EFHD2: variants seen among roughly 807,000 people sequenced by gnomAD.
The protein encoded by EFHD2 is EF-hand domain family member D2, also known as EF-hand domain-containing protein D2.
Under a neutral mutation model 20.3 loss-of-function variants are expected in EFHD2, and 12 were observed. The observed-to-expected ratio is 0.59, with a 90% CI of 0.38 to 0.96. EFHD2 has a LOEUF of 0.96. EFHD2 is among the 40% of genes least tolerant of loss of function. The pLI is 0.00. For missense variants in EFHD2, 250 were observed against 334.3 expected (o/e 0.75, Z 1.97); for synonymous variants, 131 against 143.9 (o/e 0.91, Z 0.64).
Position 15,410,026 on chromosome 1 carries a change from G to A in EFHD2, c.55G>A (p.Glu19Lys). ...KLSRRLQMEG[E>K]GGGETPEQPG... is the part of the protein sequence containing the mutation. Reference sequence around the variant, plus strand: ...GAGCCGGCGGCTGCAGATGGAGGGCGAGGGCGGCGGCGAGACCCCGGAGCA... The same window carrying A: ...GAGCCGGCGGCTGCAGATGGAGGGCAAGGGCGGCGGCGAGACCCCGGAGCA... The change falls in exon 1 of 4, where the codon GAG (glutamate) becomes AAG (lysine). Residue 19 changes from glutamate to lysine, a missense_variant. This residue lies in a region of EFHD2 where 143 missense variants were observed against 190.6 expected (regional missense o/e 0.75). Coordinates refer to ENST00000375980, the MANE Select transcript of EFHD2 (RefSeq NM_024329.6). 4.7e-6 allele frequency: 6 copies of A among 1,273,970 alleles called. No individual in the cohort carries two copies. The highest frequency in any genetic ancestry group is 5.9e-6 in the Non-Finnish European group (6 of 1,013,212). 78.9% of individuals were successfully genotyped at this position (1,273,970 alleles called of 1,614,324 possible). A position where few individuals can be genotyped will look rare whatever the true frequency, so the allele number is the denominator to read the frequency against.
At chr1:15,411,166 C>T (rs1411341500) in intron 1 of EFHD2, among the ~76,000 whole-genome samples, 1 of 142,764 alleles carries the variant, frequency 7.0e-6, no homozygotes, top group Non-Finnish European at 1.5e-5. Context: ...CTGCTTCTGT[C>T]GCAAGGCCCC....
At position 15,426,091 on chromosome 1, in the gene EFHD2, AC is replaced by A; in HGVS notation, c.456+78del. 1 of 1,427,762 alleles carries A rather than the reference AC, an allele frequency of 7.0e-7. No individual in the cohort carries two copies. The highest frequency in any genetic ancestry group is 9.3e-7 in the Non-Finnish European group (1 of 1,075,846). 88.4% of individuals were successfully genotyped at this position (1,427,762 alleles called of 1,614,324 possible). On this transcript the variant is annotated intron_variant, in intron 2 of 3. Transcript: ENST00000375980. This position sits in a 1 kb window ranked among gnomAD's most constrained non-coding sequence, Gnocchi z 4.6. ...GGACCTGGTGGCCCGGGAGAGACCA[AC>A]CCCCACCCTTTGTCAATGAATGAAT...
chr1:15,418,083 G>A (rs551644325), intron 1 of EFHD2, among the ~76,000 whole-genome samples: 12 of 141,382 alleles, frequency 8.5e-5, no homozygotes, highest in South Asian at 6.8e-4. Context: ...TCCGCCTCCC[G>A]GGTTCAAACA....
rs190806484 is a variant in EFHD2, at chr1:15,410,105, C to T, written c.134C>T (p.Ala45Val). The T allele has an allele frequency of 1.9e-3, 2,869 of 1,492,590 alleles. 48 individuals carry two copies. The African/African-American group carries it at 0.037, about 19-fold the overall frequency. 92.5% of individuals were successfully genotyped at this position (1,492,590 alleles called of 1,614,324 possible). The stretch of plus-strand genomic sequence containing the variant: ...GCGGCGGGGGCACCCGACGAGGCGG[C>T]CGAGGCGCTGGGCAGCGCGGACTGC... Reference protein sequence around the residue: ...AAAAGAPDEAAEALGSADCEL... With the variant: ...AAAAGAPDEAVEALGSADCEL... Residue 45 changes from alanine (A) to valine (V), a missense_variant, in exon 1 of 4, where the codon GCC (alanine) becomes GTC (valine). Around this residue, in one of 3 missense-constraint regions of EFHD2, gnomAD observed 143 missense variants for 190.6 expected, o/e 0.75. Coordinates refer to ENST00000375980, the MANE Select transcript of EFHD2 (RefSeq NM_024329.6).
rs939302617 is a variant in EFHD2 at position 15,410,278 on chromosome 1, C to G, written c.307C>G (p.Gln103Glu). ...CAAGGACATGGAGAAGATGTTCAAG[C>G]AGTAAGTGCCCGCGCGACCCGGCCC... ...QIKDMEKMFKQYDAGRDGFID... is the reference protein window; with the variant it reads ...QIKDMEKMFKEYDAGRDGFID... The change falls in exon 1 of 4, where the codon CAG becomes GAG. Residue 103 changes from glutamine to glutamate, a missense_variant and splice_region_variant. Transcript: ENST00000375980. The G allele has an allele frequency of 1.3e-6, 2 of 1,593,110 alleles. No homozygotes were observed. The highest frequency in any genetic ancestry group is 1.7e-6 in the Non-Finnish European group (2 of 1,171,608).
At chr1:15,417,183 GCC>G (rs1223238600) in intron 1 of EFHD2, among the ~76,000 whole-genome samples, 1 of 152,138 alleles carries the variant, frequency 6.6e-6, no homozygotes, top group African/African-American at 2.4e-5. Flanking sequence ...CTCGGCTCAG[GCC>G]CCCGCACAGC....
chr1:15,416,006 C>T (rs559782101), intron 1 of EFHD2, among the ~76,000 whole-genome samples: 1 of 152,136 alleles, frequency 6.6e-6, no homozygotes, highest in African/African-American at 2.4e-5. Flanking sequence ...CCTTCACCTG[C>T]AGCTTAGGGT....
At chr1:15,422,293 A>G (rs1707805934) in intron 1 of EFHD2, among the ~76,000 whole-genome samples, 1 of 151,444 alleles carries the variant, frequency 6.6e-6, no homozygotes, top group East Asian at 2.0e-4. Flanking sequence ...GGGTTTCACC[A>G]TGTTGGCCAG....
chr1:15,429,762 C>T lies in EFHD2; in HGVS notation c.*1038C>T, dbSNP rs369118556. The T allele has an allele frequency of 6.5e-6, 1 of 152,806 alleles. No homozygotes were observed. Among genetic ancestry groups the T allele is most frequent in the Non-Finnish European group, 1.5e-5 (1 of 68,130 alleles). 9.5% of individuals were successfully genotyped at this position (152,806 alleles called of 1,614,324 possible). ...ACCAGCGACCTGCCTGTCATGCCCACCCCCTGAGGAAGCATGGGGACCCTA... is the reference window on the plus strand; with the variant it reads ...ACCAGCGACCTGCCTGTCATGCCCATCCCCTGAGGAAGCATGGGGACCCTA... On this transcript the variant is annotated 3_prime_UTR_variant, in exon 4 of 4. Transcript: ENST00000375980.
intron 1 of EFHD2, among the ~76,000 whole-genome samples, chr1:15,420,498 C>G (rs1232083721): frequency 6.8e-6 from 1 of 147,396 alleles, no homozygotes; most frequent in South Asian, 2.1e-4. Flanking sequence ...TACACCACCA[C>G]GCCCAGCTAA....
chr1:15,422,485 C>T (rs538089035), intron 1 of EFHD2, among the ~76,000 whole-genome samples: 76 of 152,236 alleles, frequency 5.0e-4, no homozygotes, highest in African/African-American at 1.7e-3. Flanking sequence ...CCCCCACCTC[C>T]GCCGCCCCAG....
At chr1:15,425,180 T>TG (rs1248822600) in intron 1 of EFHD2, among the ~76,000 whole-genome samples, 2 of 151,806 alleles carry the variant, frequency 1.3e-5, no homozygotes, top group African/African-American at 4.8e-5. Flanking sequence ...GTCATGGAGG[T>TG]GGTGAGTGAG....
rs973272508 is a variant in EFHD2 at position 15,426,940 on chromosome 1, G to A, written c.457-210G>A. Among the ~76,000 whole-genome samples, 10 of 152,198 alleles carry A rather than the reference G, an allele frequency of 6.6e-5. No individual in the cohort carries two copies. Among genetic ancestry groups the A allele is most frequent in the Non-Finnish European group, 1.2e-4 (8 of 68,018 alleles). ...GCTGCAGTAGGCCAGCATCCTGGGTGGCAGATGAGTCATATCTCCTCCCAT... is the reference window on the plus strand; with the variant it reads ...GCTGCAGTAGGCCAGCATCCTGGGTAGCAGATGAGTCATATCTCCTCCCAT... On this transcript the variant is annotated intron_variant, in intron 2 of 3. Transcript: ENST00000375980. This position sits in a 1 kb window ranked among gnomAD's most constrained non-coding sequence, Gnocchi z 4.6.
Position 15,409,983 on chromosome 1 carries a change from C to T in EFHD2, c.12C>T (p.Asp4=). 2.4e-6 allele frequency: 3 copies of T among 1,246,580 alleles called. No individual in the cohort carries two copies. The highest frequency in any genetic ancestry group is 3.0e-6 in the Non-Finnish European group (3 of 999,622). The allele number at this position is 1,246,580 out of a possible 1,614,324, so 77.2% of individuals were successfully genotyped here. A position where few individuals can be genotyped will look rare whatever the true frequency, so the allele number is the denominator to read the frequency against. ...CCGCGCGGGCCACCATGGCCACGGA[C>T]GAGCTGGCCACCAAGCTGAGCCGGC... MAT[D]ELATKLSRRL... The change falls in exon 1 of 4, where the codon GAC becomes GAT. Residue 4 remains aspartate (D), a synonymous_variant. Transcript: ENST00000375980.
chr1:15,418,507 G>A (rs76031087), intron 1 of EFHD2, among the ~76,000 whole-genome samples: 7,743 of 150,204 alleles, frequency 0.052, 278 homozygotes, highest in Middle Eastern at 0.13. Flanking sequence ...GGGTTTCACC[G>A]TGTTAGCCAG....
At chr1:15,410,326 C>G in intron 1 of EFHD2, 47 bp downstream of exon 1, 1 of 1,513,042 alleles carries the variant, frequency 6.6e-7, no homozygotes, top group Non-Finnish European at 8.8e-7. Flanking sequence ...GCGACCCGGT[C>G]TCGGGCCCCG....
intron 1 of EFHD2, among the ~76,000 whole-genome samples, chr1:15,415,035 C>T (rs1223332568): frequency 6.6e-6 from 1 of 152,128 alleles, no homozygotes; most frequent in Non-Finnish European, 1.5e-5. Context: ...CACCCTGAGT[C>T]TTTGTGACGA....
chr1:15,410,637 C>T (rs1707471675), intron 1 of EFHD2, among the ~76,000 whole-genome samples: 1 of 152,028 alleles, frequency 6.6e-6, no homozygotes, highest in African/African-American at 2.4e-5. Flanking sequence ...GTCCCGGGCC[C>T]TCCGCGCTGT....
intron 3 of EFHD2, chr1:15,427,875 T>C (rs72865114): frequency 0.014 from 6,780 of 468,996 alleles, 411 homozygotes; most frequent in African/African-American, 0.12. Flanking sequence ...GGAGCATTGG[T>C]GGAACTTTTC....
Sources: allele counts gnomAD v4.1 joint callset (sites outside exome capture counted in the v4.1 genomes callset), GRCh38; gene constraint gnomAD v4.1.1; regional missense constraint gnomAD v4.1.1; non-coding constraint Gnocchi (gnomAD v3.1); transcripts MANE v1.5; gene names NCBI Gene and HGNC (gene_info 2026-07-23, HGNC 2026-07-21).